Variants in FNDC3B observed in about 807,000 individuals in gnomAD.
The protein encoded by FNDC3B is fibronectin type III domain-containing protein 3B.
FNDC3B carries 12 observed loss-of-function variants against 151.5 expected under a neutral mutation model. That is an observed-to-expected ratio of 0.08 (90% CI 0.05 to 0.13). The LOEUF (loss-of-function observed/expected upper bound fraction) is 0.13. Among genes scored for constraint, FNDC3B ranks in the 10% least tolerant of loss-of-function variants. The probability of loss-of-function intolerance (pLI) is 1.00; values close to 1 mark genes in which losing one functional copy is unlikely to be tolerated. For synonymous variants in FNDC3B, 528 were observed against 549.0 expected, an observed-to-expected ratio of 0.96 and a Z score of 0.54; for missense variants, 1,214 against 1,505.3, an observed-to-expected ratio of 0.81 and a Z score of 3.20.
chr3:172,152,190 G>A (rs923402023), intron 3 of FNDC3B, among the ~76,000 whole-genome samples: 2 of 152,090 alleles, frequency 1.3e-5, no homozygotes, highest in African/African-American at 2.4e-5. Context: ...CACAAAAATC[G>A]CTGGTTTTGC....
chr3:172,041,812 G>C (rs752702618), intron 1 of FNDC3B, among the ~76,000 whole-genome samples: 39 of 152,050 alleles, frequency 2.6e-4, no homozygotes, highest in Non-Finnish European at 4.7e-4. Flanking sequence ...CTCATTGGAG[G>C]CTGACTCTGA....
intron 23 of FNDC3B, among the ~76,000 whole-genome samples, chr3:172,374,122 C>T (rs575119225): frequency 3.3e-5 from 5 of 152,232 alleles, no homozygotes; most frequent in South Asian, 2.1e-4. Flanking sequence ...TGGCAGGACC[C>T]GCCTGAGGGA....
Position 172,146,111 on chromosome 3 carries a change from C to T in FNDC3B, c.187+12565C>T, listed in dbSNP as rs59451812. ...TACAGGCGTGAGCCACCGTGCCTGG[C>T]GGAAATAGTTTTTTAAAAACATTAA... On this transcript the variant is annotated intron_variant, in intron 3 of 25. Transcript: ENST00000415807. Among the ~76,000 whole-genome samples the T allele has an allele frequency of 9.9e-4, 151 of 151,918 alleles. 2 individuals are homozygous for T. In the East Asian group the frequency reaches 0.025, roughly 25 times the overall value.
chr3:172,080,782 C>G (rs1718243133), intron 1 of FNDC3B, among the ~76,000 whole-genome samples: 1 of 152,148 alleles, frequency 6.6e-6, no homozygotes, highest in Non-Finnish European at 1.5e-5. Context: ...TGGTGAATCT[C>G]CTCTCTGTGT....
chr3:172,263,774 G>A (rs1353310957), intron 6 of FNDC3B, among the ~76,000 whole-genome samples: 1 of 151,914 alleles, frequency 6.6e-6, no homozygotes, highest in Admixed American at 6.6e-5. Context: ...TTAATCTCTG[G>A]GTATAGTGGT....
Position 172,133,739 on chromosome 3 carries a change from A to G in FNDC3B, c.187+193A>G, listed in dbSNP as rs111579739. On this transcript the variant is annotated intron_variant, in intron 3 of 25. Transcript: ENST00000415807. ...TTATCCAAAGGACATTTTTAGTGGT[A>G]AAATCTGTATTGGGTATCTGTTGGT... is the stretch of plus-strand genomic sequence containing the variant. 268 of 623,458 alleles carry G rather than the reference A, an allele frequency of 4.3e-4. 2 individuals carry two copies. The African/African-American group carries it at 4.4e-3, about 10-fold the overall frequency. The allele number at this position is 623,458 out of a possible 1,614,324, so 38.6% of individuals were successfully genotyped here. A position where few individuals can be genotyped will look rare whatever the true frequency, so the allele number is the denominator to read the frequency against.
At chr3:172,392,861 C>A (rs1736086898) in intron 25 of FNDC3B, among the ~76,000 whole-genome samples, 1 of 133,490 alleles carries the variant, frequency 7.5e-6, no homozygotes, top group Non-Finnish European at 1.5e-5. Context: ...GGCTGGAGTG[C>A]AATGGCACAA....
At chr3:172,191,540 A>G (rs902696628) in intron 3 of FNDC3B, among the ~76,000 whole-genome samples, 2 of 152,160 alleles carry the variant, frequency 1.3e-5, no homozygotes, top group African/African-American at 2.4e-5. Context: ...TCTGTCACCC[A>G]GGCTGGAGTG....
intron 11 of FNDC3B, among the ~76,000 whole-genome samples, chr3:172,311,864 C>A (rs551233409): frequency 2.0e-4 from 29 of 143,044 alleles, no homozygotes; most frequent in African/African-American, 7.2e-4. Context: ...GGCGACAGAG[C>A]AAGACTCCGT....
At chr3:172,086,235 C>T (rs1276916747) in intron 1 of FNDC3B, among the ~76,000 whole-genome samples, 3 of 152,014 alleles carry the variant, frequency 2.0e-5, no homozygotes, top group Admixed American at 1.3e-4. Flanking sequence ...TGGCACACAC[C>T]TGTAGTCCCA....
chr3:172,148,185 C>T (rs916006485), intron 3 of FNDC3B, among the ~76,000 whole-genome samples: 11 of 151,888 alleles, frequency 7.2e-5, no homozygotes, highest in Non-Finnish European at 2.9e-5. Context: ...CCAGAGATAT[C>T]GTTAGGTTAT....
At chr3:172,284,992 TC>T (rs1431667428) in intron 6 of FNDC3B, among the ~76,000 whole-genome samples, 1 of 152,022 alleles carries the variant, frequency 6.6e-6, no homozygotes, top group African/African-American at 2.4e-5. Flanking sequence ...TTAAGTTCTA[TC>T]ACTTATCTTT....
chr3:172,257,986 G>C (rs1259706217), intron 6 of FNDC3B, among the ~76,000 whole-genome samples: 1 of 152,134 alleles, frequency 6.6e-6, no homozygotes, highest in African/African-American at 2.4e-5. Context: ...GGAACACTTG[G>C]TTTAAGTTGA....
chr3:172,052,591 G>A (rs1334640627), intron 1 of FNDC3B, among the ~76,000 whole-genome samples: 1 of 152,172 alleles, frequency 6.6e-6, no homozygotes, highest in African/African-American at 2.4e-5. Context: ...TATTTGCAGG[G>A]GGAGTTAAAG....
rs1027500935 is a variant in FNDC3B at position 172,174,968 on chromosome 3, G to A, written c.187+41422G>A. Among the ~76,000 whole-genome samples, 5 of 90,640 alleles carry A rather than the reference G, an allele frequency of 5.5e-5. No individual in the cohort carries two copies. In the Admixed American group the frequency reaches 8.4e-4, roughly 15 times the overall value. 59.5% of individuals were successfully genotyped at this position (90,640 alleles called of 152,430 possible). On this transcript the variant is annotated intron_variant, in intron 3 of 25. Transcript: ENST00000415807. ...CCCCAATACAATTTGCTGTCCATCC[G>A]GTCCCATGTCCTAGTTTCCTCTCTG...
intron 1 of FNDC3B, among the ~76,000 whole-genome samples, chr3:172,081,677 G>A (rs1718286763): frequency 2.6e-5 from 4 of 152,152 alleles, no homozygotes; most frequent in Admixed American, 6.5e-5. Flanking sequence ...ATTCTGAGCA[G>A]TATTATAAAT....
intron 3 of FNDC3B, among the ~76,000 whole-genome samples, chr3:172,197,240 C>T (rs1456464774): frequency 6.6e-6 from 1 of 152,010 alleles, no homozygotes; most frequent in Non-Finnish European, 1.5e-5. Flanking sequence ...ATGTTTGAAA[C>T]AGCCTCAAAA....
chr3:172,046,339 T>C (rs1324907764), intron 1 of FNDC3B, among the ~76,000 whole-genome samples: 1 of 152,166 alleles, frequency 6.6e-6, no homozygotes, highest in Non-Finnish European at 1.5e-5. Context: ...TTTTTTTCTT[T>C]TTCTTTTTTA....
At chr3:172,295,568 G>C (rs1306311989) in intron 8 of FNDC3B, 54 bp downstream of exon 8, 1 of 1,556,110 alleles carries the variant, frequency 6.4e-7, no homozygotes, top group Non-Finnish European at 8.7e-7. Flanking sequence ...AATTGGAGTT[G>C]TGAAGGAAAA....
Sources: allele counts gnomAD v4.1 joint callset (sites outside exome capture counted in the v4.1 genomes callset), GRCh38; gene constraint gnomAD v4.1.1; transcripts MANE v1.5; gene names NCBI Gene and HGNC (gene_info 2026-07-23, HGNC 2026-07-21).